Variants in HCRTR2 observed in about 807,000 individuals in gnomAD.
HCRTR2 encodes orexin receptor type 2.
A neutral mutation model predicts 49.0 loss-of-function variants in HCRTR2; 22 were observed. That is an observed-to-expected ratio of 0.45 (90% confidence interval 0.32 to 0.64). The LOEUF (loss-of-function observed/expected upper bound fraction) is 0.64, where lower values mean the gene tolerates loss of function less well. HCRTR2 is among the 30% of genes least tolerant of loss of function. The pLI is 0.04. For missense variants in HCRTR2, 491 were observed against 559.4 expected, an observed-to-expected ratio of 0.88 and a Z score of 1.23; for synonymous variants, 236 against 205.3, an observed-to-expected ratio of 1.15 and a Z score of -1.28.
At chr6:55,110,497 G>A (rs1033867938) in intron 1 of HCRTR2, among the ~76,000 whole-genome samples, 1 of 151,698 alleles carries the variant, frequency 6.6e-6, no homozygotes, top group African/African-American at 2.4e-5. Context: ...TAACAGATAA[G>A]GATTTATATA....
chr6:55,246,984 T>C (rs1275112884), intron 1 of HCRTR2, among the ~76,000 whole-genome samples: 1 of 152,046 alleles, frequency 6.6e-6, no homozygotes, highest in Non-Finnish European at 1.5e-5. Flanking sequence ...TTAGAAATAA[T>C]TGCATGTTTT....
At chr6:55,143,175 A>G (rs1764533299) in intron 1 of HCRTR2, among the ~76,000 whole-genome samples, 1 of 145,030 alleles carries the variant, frequency 6.9e-6, no homozygotes, top group Non-Finnish European at 1.5e-5. Context: ...ATTATAATAT[A>G]ATTAAATAAT....
intron 1 of HCRTR2, among the ~76,000 whole-genome samples, chr6:55,192,062 T>G (rs1765325030): frequency 6.6e-6 from 1 of 152,260 alleles, no homozygotes; most frequent in African/African-American, 2.4e-5. Flanking sequence ...AAGTCTAAAT[T>G]TTTTTTCTAT....
At chr6:55,159,694 C>T (rs1328798372) in intron 1 of HCRTR2, among the ~76,000 whole-genome samples, 5 of 152,096 alleles carry the variant, frequency 3.3e-5, no homozygotes, top group Non-Finnish European at 7.3e-5. Context: ...GCAGCATACA[C>T]AGGTATCAAT....
chr6:55,197,033 GTAC>G (rs1765428622), intron 1 of HCRTR2, among the ~76,000 whole-genome samples: 1 of 152,026 alleles, frequency 6.6e-6, no homozygotes, highest in Admixed American at 6.6e-5. Flanking sequence ...CCCTACCTCT[GTAC>G]TTCAAAACTA....
chr6:55,244,825 G>T (rs576583269), intron 1 of HCRTR2, among the ~76,000 whole-genome samples: 1 of 152,090 alleles, frequency 6.6e-6, no homozygotes, highest in Non-Finnish European at 1.5e-5. Flanking sequence ...TCCATCTTCA[G>T]TTGCTATTTG....
chr6:55,216,439 T>C (rs1765788727), intron 1 of HCRTR2, among the ~76,000 whole-genome samples: 1 of 152,134 alleles, frequency 6.6e-6, no homozygotes, highest in Non-Finnish European at 1.5e-5. Flanking sequence ...CCCTTTCAGT[T>C]GTGAAATCAA....
chr6:55,161,536 T>A (rs1764805304), intron 1 of HCRTR2, among the ~76,000 whole-genome samples: 1 of 151,822 alleles, frequency 6.6e-6, no homozygotes, highest in Admixed American at 6.6e-5. Flanking sequence ...AATCAATGAA[T>A]CCAAGAGCTG....
intron 1 of HCRTR2, among the ~76,000 whole-genome samples, chr6:55,247,049 T>C (rs183022041): frequency 1.6e-4 from 24 of 152,216 alleles, no homozygotes; most frequent in Non-Finnish European, 3.2e-4. Context: ...GGACAATTTA[T>C]TGACCAAGTA....
At chr6:55,210,559 A>G (rs573665596) in intron 1 of HCRTR2, among the ~76,000 whole-genome samples, 10 of 152,300 alleles carry the variant, frequency 6.6e-5, no homozygotes, top group Non-Finnish European at 1.5e-4. Context: ...TGGGGAATTG[A>G]GAAACCCAGT....
chr6:55,187,162 T>C (rs1765230199), intron 1 of HCRTR2, among the ~76,000 whole-genome samples: 1 of 151,622 alleles, frequency 6.6e-6, no homozygotes, highest in Admixed American at 6.6e-5. Context: ...ATCCCAGCAC[T>C]TTGGGATGCT....
At chr6:55,185,748 A>T (rs955703637) in intron 1 of HCRTR2, among the ~76,000 whole-genome samples, 1 of 152,226 alleles carries the variant, frequency 6.6e-6, no homozygotes, top group Non-Finnish European at 1.5e-5. Flanking sequence ...TACACTAAAG[A>T]TGAATAAGTC....
intron 4 of HCRTR2, among the ~76,000 whole-genome samples, chr6:55,267,529 T>A (rs1267163559): frequency 6.6e-6 from 1 of 152,128 alleles, no homozygotes; most frequent in Non-Finnish European, 1.5e-5. Flanking sequence ...TCAGCATTTT[T>A]TCTAGTTCAG....
At chr6:55,257,997 T>A (rs1300014098) in intron 3 of HCRTR2, among the ~76,000 whole-genome samples, 1 of 152,084 alleles carries the variant, frequency 6.6e-6, no homozygotes. Context: ...AGATATTTAT[T>A]ATGATGATTT....
chr6:55,239,929 C>A (rs1421444075), intron 1 of HCRTR2, among the ~76,000 whole-genome samples: 1 of 149,984 alleles, frequency 6.7e-6, no homozygotes, highest in East Asian at 2.0e-4. Context: ...AGGCGCATAC[C>A]ACCATGCCCA....
chr6:55,247,187 A>T (rs1766462135), intron 1 of HCRTR2, among the ~76,000 whole-genome samples: 1 of 151,954 alleles, frequency 6.6e-6, no homozygotes, highest in South Asian at 2.1e-4. Flanking sequence ...ATAGAAAATA[A>T]ATCACTCAAT....
intron 1 of HCRTR2, among the ~76,000 whole-genome samples, chr6:55,219,992 C>A (rs1474677648): frequency 1.3e-5 from 2 of 151,792 alleles, no homozygotes; most frequent in East Asian, 3.9e-4. Context: ...AAGACTGAAT[C>A]AAGAAGAAAT....
At chr6:55,199,130 T>A (rs531013187) in intron 1 of HCRTR2, among the ~76,000 whole-genome samples, 2 of 152,230 alleles carry the variant, frequency 1.3e-5, no homozygotes, top group South Asian at 4.1e-4. Flanking sequence ...AGGTTACTGT[T>A]AATGGGAGAA....
At chr6:55,138,455 T>A (rs1305770416) in intron 1 of HCRTR2, among the ~76,000 whole-genome samples, 2 of 152,212 alleles carry the variant, frequency 1.3e-5, no homozygotes, top group African/African-American at 2.4e-5. Context: ...TGAATGTAAA[T>A]CTCTACTGCT....
Sources: gnomAD v4.1 joint callset for allele counts (sites outside exome capture counted in the v4.1 genomes callset) on GRCh38, gnomAD v4.1.1 for gene constraint, MANE v1.5 for transcripts, NCBI Gene and HGNC (gene_info 2026-07-23, HGNC 2026-07-21) for gene names.